GOLM1: variants seen among roughly 807,000 people sequenced by gnomAD.
GOLM1 encodes the protein epididymis luminal protein 46.
GOLM1 carries 31 observed loss-of-function variants against 50.5 expected under a neutral mutation model. The ratio of observed to expected loss-of-function variants is 0.61; its 90% CI spans 0.46 to 0.83. The LOEUF is 0.83. Among genes scored for constraint, GOLM1 ranks in the 40% least tolerant of loss-of-function variants. The pLI is 0.00. For synonymous variants in GOLM1, 178 were observed against 192.8 expected, an observed-to-expected ratio of 0.92 and a Z score of 0.64; for missense variants, 491 against 501.3, an observed-to-expected ratio of 0.98 and a Z score of 0.20.
chr9:86,052,412 C>A, intron 4 of GOLM1, 125 bp downstream of exon 4: 1 of 776,544 alleles, frequency 1.3e-6, no homozygotes, highest in South Asian at 1.6e-5. Context: ...AAAGATTGCT[C>A]AATGACTCAT....
intron 1 of GOLM1, 130 bp from the exon 2 acceptor site, chr9:86,079,471 G>A (rs1196434958): frequency 2.6e-5 from 17 of 662,906 alleles, no homozygotes; most frequent in South Asian, 1.4e-4. Context: ...TCTCCTTGAC[G>A]TGCAAAGCTG....
At chr9:86,044,487 C>CA (rs1833468896) in intron 5 of GOLM1, among the ~76,000 whole-genome samples, 1 of 152,164 alleles carries the variant, frequency 6.6e-6, no homozygotes, top group South Asian at 2.1e-4. Context: ...ACAGATGGCT[C>CA]AAATCCTTTC....
chr9:86,053,622 A>ACACGCCAC (rs1833876413), intron 3 of GOLM1, among the ~76,000 whole-genome samples: 3 of 2,276 alleles, frequency 1.3e-3, no homozygotes, highest in African/African-American at 4.3e-3. Context: ...CACCACACCA[A>ACACGCCAC]ACATCACTAC....
At chr9:86,082,177 T>C (rs113968521) in intron 1 of GOLM1, among the ~76,000 whole-genome samples, 21,676 of 150,822 alleles carry the variant, frequency 0.14, 1,676 homozygotes, top group East Asian at 0.3. Flanking sequence ...TACAGGCACC[T>C]GCCACCACAC....
At chr9:86,097,755 G>A (rs1835395334) in intron 1 of GOLM1, among the ~76,000 whole-genome samples, 1 of 152,114 alleles carries the variant, frequency 6.6e-6, no homozygotes, top group Non-Finnish European at 1.5e-5. Context: ...AAGCCAGCTC[G>A]CACTTTCACA....
At chr9:86,068,490 G>A (rs1335112253) in intron 3 of GOLM1, among the ~76,000 whole-genome samples, 1 of 152,208 alleles carries the variant, frequency 6.6e-6, no homozygotes, top group Non-Finnish European at 1.5e-5. Context: ...ACACTGCCAC[G>A]TGGAAAAGGG....
intron 1 of GOLM1, among the ~76,000 whole-genome samples, chr9:86,089,105 T>C (rs1234897560): frequency 1.3e-5 from 2 of 152,226 alleles, no homozygotes; most frequent in African/African-American, 2.4e-5. Context: ...TTCTGGCTTG[T>C]AGGGGTTCTG....
At chr9:86,098,917 G>A (rs904112529) in intron 1 of GOLM1, among the ~76,000 whole-genome samples, 1 of 152,206 alleles carries the variant, frequency 6.6e-6, no homozygotes, top group African/African-American at 2.4e-5. Flanking sequence ...ACCCCAGGGC[G>A]GCCGGAGCGC....
At chr9:86,096,139 G>A (rs902770732) in intron 1 of GOLM1, among the ~76,000 whole-genome samples, 4 of 150,542 alleles carry the variant, frequency 2.7e-5, no homozygotes, top group Non-Finnish European at 4.4e-5. Context: ...AAATTACAGC[G>A]GCAATAAAGT....
chr9:86,049,669 T>C (rs192745720), intron 4 of GOLM1, among the ~76,000 whole-genome samples: 28 of 152,292 alleles, frequency 1.8e-4, no homozygotes, highest in African/African-American at 6.3e-4. Flanking sequence ...TGGCTGTTTG[T>C]CTGTTATTGG....
At chr9:86,081,335 T>G (rs1451361505) in intron 1 of GOLM1, among the ~76,000 whole-genome samples, 1 of 151,912 alleles carries the variant, frequency 6.6e-6, no homozygotes, top group African/African-American at 2.4e-5. Flanking sequence ...TAGCTGGGAT[T>G]ACAGGCATGC....
At chr9:86,096,467 T>G (rs1460990501) in intron 1 of GOLM1, among the ~76,000 whole-genome samples, 2 of 152,178 alleles carry the variant, frequency 1.3e-5, no homozygotes, top group Non-Finnish European at 2.9e-5. Flanking sequence ...ATTAGCAGCA[T>G]CAGCATTACC....
intron 3 of GOLM1, among the ~76,000 whole-genome samples, chr9:86,062,260 C>T (rs1272747559): frequency 6.6e-6 from 1 of 152,148 alleles, no homozygotes; most frequent in Non-Finnish European, 1.5e-5. Context: ...GAACAAGGTC[C>T]ATGAGGTGTG....
intron 4 of GOLM1, among the ~76,000 whole-genome samples, chr9:86,050,821 G>T (rs1361690965): frequency 6.6e-6 from 1 of 152,080 alleles, no homozygotes; most frequent in Non-Finnish European, 1.5e-5. Flanking sequence ...CCAGCTCCTG[G>T]ATTCATTGAT....
rs1832835452 is a variant in GOLM1, at chr9:86,027,910, CAT to C, written c.1130-19_1130-18del. ...CATTAAAAACTAAAAAGGAAAAACA[CAT>C]AATATTCTATAGAGTATTAAATGAG... On this transcript the variant is annotated intron_variant, in intron 9 of 9. Coordinates refer to ENST00000388712, the MANE Select transcript of GOLM1 (RefSeq NM_016548.4). 4 of 1,433,296 alleles carry C rather than the reference CAT, an allele frequency of 2.8e-6. No individual in the cohort carries two copies. In the South Asian group the frequency reaches 4.6e-5, roughly 16 times the overall value. 88.8% of individuals were successfully genotyped at this position (1,433,296 alleles called of 1,614,324 possible).
intron 1 of GOLM1, among the ~76,000 whole-genome samples, chr9:86,081,194 AT>A (rs141790142): frequency 0.057 from 7,680 of 133,578 alleles, 326 homozygotes; most frequent in East Asian, 0.27. Context: ...AGCCTCAATG[AT>A]TTTTTTTTTT....
intron 5 of GOLM1, among the ~76,000 whole-genome samples, chr9:86,043,115 G>A (rs537439064): frequency 1.3e-5 from 2 of 152,160 alleles, no homozygotes; most frequent in Non-Finnish European, 2.9e-5. Context: ...GACCATCACT[G>A]TATTACTTTA....
chr9:86,082,025 CTT>C (rs35208119), intron 1 of GOLM1, among the ~76,000 whole-genome samples: 3 of 84,514 alleles, frequency 3.5e-5, no homozygotes, highest in African/African-American at 9.6e-5. Flanking sequence ...ACCTGGGACA[CTT>C]TTTTTTTTTT....
chr9:86,053,714 GCATC>G (rs1564347683), intron 3 of GOLM1, among the ~76,000 whole-genome samples: 1 of 30,158 alleles, frequency 3.3e-5, no homozygotes, highest in Non-Finnish European at 9.7e-5. Flanking sequence ...ATACCCCACC[GCATC>G]ACAGACTGCT....
Sources: allele counts gnomAD v4.1 joint callset (sites outside exome capture counted in the v4.1 genomes callset), GRCh38; gene constraint gnomAD v4.1.1; transcripts MANE v1.5; gene names NCBI Gene and HGNC (gene_info 2026-07-23, HGNC 2026-07-21).